KCNH7: variants seen among roughly 807,000 people sequenced by gnomAD.
KCNH7 encodes the protein potassium voltage-gated channel subfamily H member 7, also known as voltage-gated inwardly rectifying potassium channel KCNH7.
KCNH7 carries 49 observed loss-of-function variants against 120.8 expected under a neutral mutation model. The observed-to-expected ratio is 0.41, with a 90% CI of 0.32 to 0.51. The LOEUF is 0.51. Ranked by LOEUF, KCNH7 falls within the 20% of genes least tolerant of loss-of-function variation. The probability of loss-of-function intolerance (pLI) is 0.38; values close to 1 mark genes in which losing one functional copy is unlikely to be tolerated. For synonymous variants in KCNH7, 547 were observed against 516.1 expected (o/e 1.06, Z -0.81); for missense variants, 1,097 against 1,446.6 (o/e 0.76, Z 3.92).
intron 2 of KCNH7, among the ~76,000 whole-genome samples, chr2:162,643,078 G>C (rs1410586538): frequency 6.6e-6 from 1 of 152,150 alleles, no homozygotes; most frequent in Non-Finnish European, 1.5e-5. Flanking sequence ...CTATTACTTA[G>C]AGAAATCCAG....
rs185733967 is a variant in KCNH7 at position 162,603,158 on chromosome 2, A to G, written c.308-66078T>C. On this transcript the variant is annotated intron_variant, in intron 2 of 15. Coordinates refer to ENST00000332142, the MANE Select transcript of KCNH7 (RefSeq NM_033272.4). ...GGGTCACTAGTTTTCATTTATCCTGAGTTCTAGGACTCAAAAATATAAATA... is the reference window on the plus strand; with the variant it reads ...GGGTCACTAGTTTTCATTTATCCTGGGTTCTAGGACTCAAAAATATAAATA... Among the ~76,000 whole-genome samples the G allele has an allele frequency of 6.0e-3, 907 of 152,050 alleles. 13 individuals are homozygous for G. The highest frequency in any genetic ancestry group is 0.02 in the African/African-American group (846 of 41,502).
chr2:162,723,547 T>TAA (rs1181441099), intron 2 of KCNH7, among the ~76,000 whole-genome samples: 1 of 152,200 alleles, frequency 6.6e-6, no homozygotes, highest in African/African-American at 2.4e-5. Flanking sequence ...TTTGCTCAGT[T>TAA]TAACTTTAGC....
chr2:162,383,917 C>G (rs1343785633), intron 13 of KCNH7, among the ~76,000 whole-genome samples: 2 of 151,716 alleles, frequency 1.3e-5, no homozygotes, highest in African/African-American at 4.8e-5. Flanking sequence ...ATCATTTACC[C>G]AAAGACATAA....
intron 2 of KCNH7, among the ~76,000 whole-genome samples, chr2:162,779,883 C>G (rs1683410924): frequency 6.6e-6 from 1 of 152,146 alleles, no homozygotes; most frequent in South Asian, 2.1e-4. Flanking sequence ...CCTTTTAAAT[C>G]CTCTTACTTT....
intron 2 of KCNH7, among the ~76,000 whole-genome samples, chr2:162,726,966 G>A (rs560237420): frequency 6.6e-6 from 1 of 152,296 alleles, no homozygotes; most frequent in Admixed American, 6.5e-5. Flanking sequence ...TGGGGAGGGG[G>A]CTTATCACTG....
chr2:162,408,353 T>C (rs1400557675), intron 9 of KCNH7, among the ~76,000 whole-genome samples: 1 of 152,046 alleles, frequency 6.6e-6, no homozygotes, highest in Non-Finnish European at 1.5e-5. Flanking sequence ...TTAGTAGTTA[T>C]CCAACATTTT....
chr2:162,372,220 C>G (rs533124129), intron 15 of KCNH7, 125 bp from the exon 16 acceptor site: 20 of 737,198 alleles, frequency 2.7e-5, no homozygotes, highest in South Asian at 3.9e-5. Context: ...GTGATATTAG[C>G]CAACATTTCC....
At chr2:162,568,832 T>C (rs1479659533) in intron 2 of KCNH7, among the ~76,000 whole-genome samples, 1 of 152,042 alleles carries the variant, frequency 6.6e-6, no homozygotes. Flanking sequence ...ATGTATGACA[T>C]AAATAATTTT....
intron 2 of KCNH7, among the ~76,000 whole-genome samples, chr2:162,763,093 T>A (rs1468138886): frequency 1.3e-5 from 2 of 152,078 alleles, no homozygotes; most frequent in African/African-American, 4.8e-5. Context: ...TCTATAAGAA[T>A]TTCAGGAATC....
intron 3 of KCNH7, among the ~76,000 whole-genome samples, chr2:162,521,017 C>T (rs1691503470): frequency 6.6e-6 from 1 of 151,864 alleles, no homozygotes; most frequent in South Asian, 2.1e-4. Context: ...ACCTACTGAG[C>T]TCATCCTTTA....
At chr2:162,588,892 C>T (rs1559031938) in intron 2 of KCNH7, among the ~76,000 whole-genome samples, 2 of 152,028 alleles carry the variant, frequency 1.3e-5, no homozygotes, top group African/African-American at 4.8e-5. Flanking sequence ...CATTAACCCA[C>T]CTACCCTCTT....
chr2:162,502,867 G>T (rs6750928), intron 6 of KCNH7, among the ~76,000 whole-genome samples: 60 of 152,112 alleles, frequency 3.9e-4, no homozygotes, highest in African/African-American at 1.4e-3. Context: ...GACTTGCTGA[G>T]ATCCCACATG....
At chr2:162,679,982 A>C (rs1685658959) in intron 2 of KCNH7, among the ~76,000 whole-genome samples, 1 of 151,832 alleles carries the variant, frequency 6.6e-6, no homozygotes, top group Non-Finnish European at 1.5e-5. Flanking sequence ...CTGCTGCAGA[A>C]ACTAAATCAA....
chr2:162,829,650 C>G (rs1239871669), intron 2 of KCNH7, among the ~76,000 whole-genome samples: 1 of 151,922 alleles, frequency 6.6e-6, no homozygotes, highest in African/African-American at 2.4e-5. Context: ...ATTTTTCTAG[C>G]TATTCATATT....
chr2:162,441,999 CTTTTTTTTTTTTTTTTTTTTTTT>C (rs779418084), intron 7 of KCNH7, among the ~76,000 whole-genome samples: 2 of 41,528 alleles, frequency 4.8e-5, no homozygotes, highest in African/African-American at 6.5e-5. Context: ...GTTAGGTCTT[CTTTTTTTTTTTTTTTTTTTTTTT>C]TTTTTTTTTT....
intron 6 of KCNH7, among the ~76,000 whole-genome samples, chr2:162,470,838 G>A (rs1281709824): frequency 1.3e-5 from 2 of 152,332 alleles, no homozygotes; most frequent in African/African-American, 2.4e-5. Context: ...GAGAAATTGG[G>A]TGGTTGCTGT....
At chr2:162,801,243 G>A (rs1684336097) in intron 2 of KCNH7, among the ~76,000 whole-genome samples, 1 of 148,098 alleles carries the variant, frequency 6.8e-6, no homozygotes, top group Non-Finnish European at 1.5e-5. Context: ...GGGATTTAAA[G>A]TATGAAAAAG....
chr2:162,684,428 G>C lies in KCNH7; in HGVS notation c.308-147348C>G, dbSNP rs563021713. On this transcript the variant is annotated intron_variant, in intron 2 of 15. Coordinates refer to ENST00000332142, the MANE Select transcript of KCNH7 (RefSeq NM_033272.4). ...TGAACAGGCAACCTACGGAAAGGGA[G>C]AAAATTTTTGCAATCTACCCATCTG... Among the ~76,000 whole-genome samples the C allele has an allele frequency of 5.3e-5, 8 of 152,110 alleles. No homozygotes were observed. The East Asian group carries it at 1.4e-3, about 26-fold the overall frequency.
chr2:162,591,752 GTTC>G (rs1284889436), intron 2 of KCNH7, among the ~76,000 whole-genome samples: 2 of 152,034 alleles, frequency 1.3e-5, no homozygotes, highest in African/African-American at 2.4e-5. Flanking sequence ...ATTGAAATAT[GTTC>G]TTATTTTAGA....
Sources: allele counts gnomAD v4.1 joint callset (sites outside exome capture counted in the v4.1 genomes callset), GRCh38; gene constraint gnomAD v4.1.1; transcripts MANE v1.5; gene names NCBI Gene and HGNC (gene_info 2026-07-23, HGNC 2026-07-21).